DCDC2C: variants seen among roughly 807,000 people sequenced by gnomAD.
DCDC2C encodes the protein doublecortin domain containing 2C, also known as doublecortin domain-containing protein 2C.
A neutral mutation model predicts 45.0 loss-of-function variants in DCDC2C; 44 were observed. That is an observed-to-expected ratio of 0.98 (90% CI 0.77 to 1.26). The LOEUF (loss-of-function observed/expected upper bound fraction) is 1.26, where lower values mean the gene tolerates loss of function less well. DCDC2C is among the 50% of genes most tolerant of loss of function. The pLI is 0.00. For missense variants in DCDC2C, 447 were observed against 468.9 expected (o/e 0.95, Z 0.43); for synonymous variants, 187 against 178.8 (o/e 1.05, Z -0.37).
At chr2:3,790,709 A>G (rs1027125603) in intron 10 of DCDC2C, among the ~76,000 whole-genome samples, 11 of 152,208 alleles carry the variant, frequency 7.2e-5, no homozygotes, top group Admixed American at 7.2e-4. Context: ...CTAAGAGACA[A>G]GGTCAATAGC....
chr2:3,713,440 C>T (rs1482158735), intron 2 of DCDC2C, among the ~76,000 whole-genome samples: 1 of 152,158 alleles, frequency 6.6e-6, no homozygotes, highest in African/African-American at 2.4e-5. Flanking sequence ...GCCTTCCCCC[C>T]TCTGCTGCTC....
intron 4 of DCDC2C, among the ~76,000 whole-genome samples, chr2:3,746,400 C>CCA (rs1320466597): frequency 1.3e-5 from 2 of 152,124 alleles, no homozygotes; most frequent in African/African-American, 2.4e-5. Context: ...CGAGCACGAC[C>CCA]CACTCTAAGA....
chr2:3,728,278 A>G (rs1001855034), intron 3 of DCDC2C, among the ~76,000 whole-genome samples: 5 of 152,218 alleles, frequency 3.3e-5, no homozygotes, highest in Non-Finnish European at 5.9e-5. Context: ...ATCTGTGACC[A>G]TTTCTTTAAA....
Position 3,744,420 on chromosome 2 carries a change from C to T in DCDC2C, c.545+2372C>T, listed in dbSNP as rs145761248. ...GGCCAAGAGGCTGCAGAGGCAAGGT[C>T]GAGACATCCACCTGGGGATGCTTCT... On this transcript the variant is annotated intron_variant, in intron 4 of 10. Coordinates refer to ENST00000399143, the MANE Select transcript of DCDC2C (RefSeq NM_001287444.2). Among the ~76,000 whole-genome samples the T allele has an allele frequency of 9.2e-5, 14 of 152,216 alleles. No individual in the cohort carries two copies. The East Asian group carries it at 9.7e-4, about 11-fold the overall frequency.
At chr2:3,820,648 A>G (rs1387397507) in intron 10 of DCDC2C, among the ~76,000 whole-genome samples, 1 of 152,164 alleles carries the variant, frequency 6.6e-6, no homozygotes, top group Non-Finnish European at 1.5e-5. Flanking sequence ...GTCCACGGAT[A>G]AAATGTGTCT....
At chr2:3,770,442 C>G (rs1238281146) in intron 8 of DCDC2C, among the ~76,000 whole-genome samples, 1 of 152,200 alleles carries the variant, frequency 6.6e-6, no homozygotes, top group African/African-American at 2.4e-5. Context: ...CTTTCCACTT[C>G]CTTTTTTTGG....
chr2:3,784,623 G>A (rs1462065779), intron 9 of DCDC2C, among the ~76,000 whole-genome samples: 2 of 151,882 alleles, frequency 1.3e-5, no homozygotes, highest in African/African-American at 4.8e-5. Context: ...AACAAATGCA[G>A]TGTTCATCCA....
intron 10 of DCDC2C, among the ~76,000 whole-genome samples, chr2:3,840,290 G>GA (rs1347038150): frequency 6.6e-6 from 1 of 152,200 alleles, no homozygotes; most frequent in Admixed American, 6.5e-5. Context: ...CTGGTCACCT[G>GA]GAAAGACCCT....
chr2:3,780,292 C>T (rs1273341015), intron 9 of DCDC2C, among the ~76,000 whole-genome samples: 1 of 152,160 alleles, frequency 6.6e-6, no homozygotes, highest in African/African-American at 2.4e-5. Flanking sequence ...CATATTTCAA[C>T]AGCGATATGA....
At chr2:3,778,752 C>G (rs558516571) in intron 8 of DCDC2C, 64 bp from the exon 9 acceptor site, 10 of 1,490,988 alleles carry the variant, frequency 6.7e-6, no homozygotes, top group African/African-American at 5.6e-5. Flanking sequence ...TTCACGTGCT[C>G]TCTGATTTTT....
chr2:3,791,108 CAAAAA>C (rs11453433), intron 10 of DCDC2C, among the ~76,000 whole-genome samples: 1 of 150,024 alleles, frequency 6.7e-6, no homozygotes, highest in Admixed American at 6.6e-5. Flanking sequence ...GACTCTGTCT[CAAAAA>C]AAAAGAAAAT....
At chr2:3,713,108 C>T (rs1447535326) in intron 2 of DCDC2C, among the ~76,000 whole-genome samples, 5 of 152,230 alleles carry the variant, frequency 3.3e-5, no homozygotes, top group African/African-American at 1.2e-4. Context: ...CTAGGAATGA[C>T]TCCAGGATTT....
intron 10 of DCDC2C, among the ~76,000 whole-genome samples, chr2:3,793,045 G>T (rs1200236281): frequency 6.6e-6 from 1 of 152,154 alleles, no homozygotes; most frequent in African/African-American, 2.4e-5. Flanking sequence ...TCAAGGCAAG[G>T]CATTTGTTTC....
At chr2:3,731,998 A>G (rs1668882842) in intron 3 of DCDC2C, among the ~76,000 whole-genome samples, 1 of 152,088 alleles carries the variant, frequency 6.6e-6, no homozygotes, top group Non-Finnish European at 1.5e-5. Context: ...GGGGGCGGTG[A>G]GTGCAAACCC....
chr2:3,830,244 CA>C (rs1239402900), intron 10 of DCDC2C, among the ~76,000 whole-genome samples: 1 of 152,052 alleles, frequency 6.6e-6, no homozygotes, highest in East Asian at 1.9e-4. Context: ...TGGTAGGTGA[CA>C]ACCTAGCCAC....
At position 3,754,884 on chromosome 2, in the gene DCDC2C, T is replaced by C. The variant is rs73910360; in HGVS notation, c.726+250T>C. Among the ~76,000 whole-genome samples the C allele has an allele frequency of 5.3e-3, 801 of 152,334 alleles. 6 individuals carry two copies. The highest frequency in any genetic ancestry group is 0.017 in the African/African-American group (721 of 41,570). On this transcript the variant is annotated intron_variant, in intron 6 of 10. Coordinates refer to ENST00000399143, the MANE Select transcript of DCDC2C (RefSeq NM_001287444.2). ...AAGAGACACACATAGGTATTTATAATGCAACCCAGTAGGTGTGAAGACAAA... is the reference window on the plus strand; with the variant it reads ...AAGAGACACACATAGGTATTTATAACGCAACCCAGTAGGTGTGAAGACAAA...
chr2:3,846,942 G>A (rs1247152804), intron 10 of DCDC2C, among the ~76,000 whole-genome samples: 3 of 152,212 alleles, frequency 2.0e-5, no homozygotes, highest in South Asian at 2.1e-4. Context: ...GGTTTCCTGC[G>A]GCGGTTCTGC....
rs905066983 is a variant in DCDC2C, at chr2:3,841,901, A to G, written c.1066-5253A>G. 2.6e-5 allele frequency among the ~76,000 whole-genome samples: 4 copies of G among 151,956 alleles called. No individual in the cohort carries two copies. In the South Asian group the frequency reaches 8.3e-4, roughly 32 times the overall value. The stretch of plus-strand genomic sequence containing the variant: ...AAGCTTTTATGTGATGATGAGTATC[A>G]TATCATGTATGTGTCCATTTTTTCC... On this transcript the variant is annotated intron_variant, in intron 10 of 10. Transcript: ENST00000399143.
At chr2:3,732,308 G>A (rs888124886) in intron 3 of DCDC2C, among the ~76,000 whole-genome samples, 13 of 152,082 alleles carry the variant, frequency 8.5e-5, no homozygotes, top group African/African-American at 3.1e-4. Flanking sequence ...TTTGTTCCAC[G>A]GTTGTTGGGA....
Sources: allele counts gnomAD v4.1 joint callset (sites outside exome capture counted in the v4.1 genomes callset), GRCh38; gene constraint gnomAD v4.1.1; transcripts MANE v1.5; gene names NCBI Gene and HGNC (gene_info 2026-07-23, HGNC 2026-07-21).